Variants in ESYT3 observed in about 807,000 individuals in gnomAD.
The protein encoded by ESYT3 is extended synaptotagmin 3.
Under a neutral mutation model 111.5 loss-of-function variants are expected in ESYT3, and 101 were observed. The ratio of observed to expected loss-of-function variants is 0.91; its 90% CI spans 0.77 to 1.07. ESYT3 has a LOEUF of 1.07. ESYT3 is among the 50% of genes least tolerant of loss of function. ESYT3 has a pLI of 0.00. For missense variants in ESYT3, 1,097 were observed against 1,109.4 expected (o/e 0.99, Z 0.16); for synonymous variants, 416 against 446.8 (o/e 0.93, Z 0.87).
At position 138,472,858 on chromosome 3, in the gene ESYT3, G is replaced by C; in HGVS notation, c.2236G>C (p.Glu746Gln). The C allele has an allele frequency of 6.2e-7, 1 of 1,613,468 alleles. No homozygotes were observed. The highest frequency in any genetic ancestry group is 1.1e-5 in the South Asian group (1 of 91,004). ...CCTGGCAGATATCAGCCTCAACATTGAGTATGCACCTCTCTGCTTAATCTT... is the reference window on the plus strand; with the variant it reads ...CCTGGCAGATATCAGCCTCAACATTCAGTATGCACCTCTCTGCTTAATCTT... ...FDLADISLNIEGGDLRRRQLG... is the reference protein window; with the variant it reads ...FDLADISLNIQGGDLRRRQLG... Residue 746 changes from glutamate to glutamine, a missense_variant and splice_region_variant, in exon 18 of 23, where the codon GAA becomes CAA. Transcript: ENST00000389567.
intron 1 of ESYT3, among the ~76,000 whole-genome samples, chr3:138,450,846 T>C (rs183703823): frequency 2.6e-5 from 4 of 152,336 alleles, no homozygotes; most frequent in Admixed American, 2.0e-4. Flanking sequence ...ACAGTGGCCT[T>C]TCTGAGCTCC....
At position 138,435,609 on chromosome 3, in the gene ESYT3, G is replaced by A. The variant is rs551975786; in HGVS notation, c.327+484G>A. ...AGGCCTGGACTGCGGTAGGGGGAGG[G>A]CTCCGCGGGGCTGGAGGTGGAGTGG... On this transcript the variant is annotated intron_variant, in intron 1 of 22. Coordinates refer to ENST00000389567, the MANE Select transcript of ESYT3 (RefSeq NM_031913.5). The surrounding 1 kb of genome is among the most constrained non-coding windows in gnomAD (Gnocchi z 4.8). 6.6e-6 allele frequency among the ~76,000 whole-genome samples: 1 copy of A among 152,304 alleles called. No homozygotes were observed. Among genetic ancestry groups the A allele is most frequent in the African/African-American group, 2.4e-5 (1 of 41,572 alleles).
intron 3 of ESYT3, 115 bp from the exon 4 acceptor site, chr3:138,457,453 T>A: frequency 1.1e-6 from 1 of 892,268 alleles, no homozygotes; most frequent in South Asian, 1.3e-5. Flanking sequence ...GTGCCTCGTC[T>A]TGGAAGTATG....
At chr3:138,470,639 A>G in intron 16 of ESYT3, 1 of 1,278,674 alleles carries the variant, frequency 7.8e-7, no homozygotes, top group East Asian at 3.2e-5. Flanking sequence ...GGCTCTGGGC[A>G]TTTGACAGAC....
intron 2 of ESYT3, among the ~76,000 whole-genome samples, chr3:138,454,053 A>G (rs934437143): frequency 6.6e-6 from 1 of 152,216 alleles, no homozygotes; most frequent in Non-Finnish European, 1.5e-5. Context: ...TCTTGGATCA[A>G]CATCCATCAG....
intron 1 of ESYT3, among the ~76,000 whole-genome samples, chr3:138,443,960 G>A (rs143327726): frequency 1.3e-5 from 2 of 152,180 alleles, no homozygotes; most frequent in African/African-American, 4.8e-5. Flanking sequence ...TCCGATGGGA[G>A]GCAGCTGTCA....
rs1236391179 is a variant in ESYT3 at position 138,440,731 on chromosome 3, TATC to T, written c.327+5609_327+5611del. Among the ~76,000 whole-genome samples the T allele has an allele frequency of 3.3e-5, 5 of 152,340 alleles. No homozygotes were observed. The highest frequency in any genetic ancestry group is 3.9e-4 in the East Asian group (2 of 5,188). On this transcript the variant is annotated intron_variant, in intron 1 of 22. Transcript: ENST00000389567. This position sits in a 1 kb window ranked among gnomAD's most constrained non-coding sequence, Gnocchi z 4.2. Reference sequence around the variant, plus strand: ...ATGTCTTAATGATGGTTCATGGACTTATCATGTCCTGGGCCAGGATTGAGCAAT... The same window carrying T: ...ATGTCTTAATGATGGTTCATGGACTTATGTCCTGGGCCAGGATTGAGCAAT...
chr3:138,447,336 A>G (rs1427314640), intron 1 of ESYT3, among the ~76,000 whole-genome samples: 1 of 152,192 alleles, frequency 6.6e-6, no homozygotes, highest in Non-Finnish European at 1.5e-5. Flanking sequence ...TCAGGCCACA[A>G]AGAAATAAAA....
chr3:138,468,739 G>A, intron 13 of ESYT3, 22 bp downstream of exon 13: 2 of 1,613,984 alleles, frequency 1.2e-6, no homozygotes, highest in Non-Finnish European at 1.7e-6. Context: ...CATGTCCAGA[G>A]TGTCACACAA....
In ESYT3 at chr3:138,472,480, C is replaced by G; in HGVS notation, c.1858C>G (p.Gln620Glu). Reference protein sequence around the residue: ...ATNQGPKAQPQEEGPTDLPCP... With the variant: ...ATNQGPKAQPEEEGPTDLPCP... ...CAACCAGGGTCCCAAAGCCCAACCT[C>G]AGGAAGAAGGCCCTACAGATTTGCC... Residue 620 changes from glutamine to glutamate, a missense_variant, in exon 18 of 23, where the codon CAG becomes GAG. Physicochemically the swap from Gln to Glu is conservative, Grantham distance 29. Coordinates refer to ENST00000389567, the MANE Select transcript of ESYT3 (RefSeq NM_031913.5). 6.2e-7 allele frequency: 1 copy of G among 1,614,234 alleles called. No individual in the cohort carries two copies. The highest frequency in any genetic ancestry group is 8.5e-7 in the Non-Finnish European group (1 of 1,180,048).
chr3:138,449,312 C>G (rs1156654321), intron 1 of ESYT3, among the ~76,000 whole-genome samples: 1 of 152,014 alleles, frequency 6.6e-6, no homozygotes, highest in African/African-American at 2.4e-5. Context: ...TCTCAAACTC[C>G]TGGGCTCAAG....
rs1441326646 is a variant in ESYT3, at chr3:138,438,456, T to G, written c.327+3331T>G. On this transcript the variant is annotated intron_variant, in intron 1 of 22. Transcript: ENST00000389567. The stretch of plus-strand genomic sequence containing the variant: ...CTTAGATGGGGCACCTTTTTCTAAT[T>G]TGCACCAACTCCCTGTGAAGGAGTG... Among the ~76,000 whole-genome samples, 3 of 152,066 alleles carry G rather than the reference T, an allele frequency of 2.0e-5. No homozygotes were observed. The East Asian group carries it at 5.8e-4, about 29-fold the overall frequency.
In ESYT3 at chr3:138,474,243, A is replaced by C; in HGVS notation, c.2359A>C (p.Ser787Arg). Reference sequence around the variant, plus strand: ...CAGAAACCTAACACCATGTACCAGCAGTGGAGCTGATCCCTACGTCCGTGT... The same window carrying C: ...CAGAAACCTAACACCATGTACCAGCCGTGGAGCTGATCCCTACGTCCGTGT... The part of the protein sequence containing the change: ...GCRNLTPCTS[S>R]GADPYVRVYL... Residue 787 changes from serine to arginine, a missense_variant, in exon 20 of 23, where the codon AGT (serine) becomes CGT (arginine). Physicochemically the swap from Ser to Arg is moderately radical, Grantham distance 110. Transcript: ENST00000389567. 1 of 1,612,424 alleles carries C rather than the reference A, an allele frequency of 6.2e-7. No homozygotes were observed. Among genetic ancestry groups the C allele is most frequent in the Non-Finnish European group, 8.5e-7 (1 of 1,179,314 alleles).
Position 138,472,799 on chromosome 3 carries a change from C to A in ESYT3, c.2177C>A (p.Ser726Tyr). 1 of 1,614,236 alleles carries A rather than the reference C, an allele frequency of 6.2e-7. No individual in the cohort carries two copies. Among genetic ancestry groups the A allele is most frequent in the Non-Finnish European group, 8.5e-7 (1 of 1,180,044 alleles). The change falls in exon 18 of 23, where the codon TCC becomes TAC. Residue 726 changes from serine to tyrosine, a missense_variant. Coordinates refer to ENST00000389567, the MANE Select transcript of ESYT3 (RefSeq NM_031913.5). ...CCCAAGAGGCTGGCTCCCAGCATGT[C>A]CTCGCTCAACTCCTTGGCCTCTTCT... The part of the protein sequence containing the change: ...WPPKRLAPSM[S>Y]SLNSLASSCF...
chr3:138,456,470 G>A (rs1190766851), intron 3 of ESYT3, among the ~76,000 whole-genome samples: 1 of 152,202 alleles, frequency 6.6e-6, no homozygotes, highest in Non-Finnish European at 1.5e-5. Context: ...CTTGCAGGGT[G>A]CTGTGTTCAC....
At chr3:138,468,066 C>A in intron 11 of ESYT3, 39 bp from the exon 12 acceptor site, 1 of 1,594,452 alleles carries the variant, frequency 6.3e-7, no homozygotes, top group South Asian at 1.1e-5. Flanking sequence ...TAGCATCTCC[C>A]TGGCCCTTTT....
At chr3:138,460,078 A>G (rs373151618) in intron 6 of ESYT3, 44 bp downstream of exon 6, 13 of 1,561,970 alleles carry the variant, frequency 8.3e-6, no homozygotes, top group Non-Finnish European at 9.7e-6. Flanking sequence ...CCCTGGGAGT[A>G]GGCACTGGTC....
At chr3:138,465,487 A>T (rs1364526492) in intron 10 of ESYT3, 66 bp downstream of exon 10, 1 of 1,298,342 alleles carries the variant, frequency 7.7e-7, no homozygotes, top group African/African-American at 1.5e-5. Context: ...GCTGGGCTAG[A>T]TACCCTGCTC....
chr3:138,474,014 C>T (rs963254709), intron 19 of ESYT3, among the ~76,000 whole-genome samples: 1 of 152,242 alleles, frequency 6.6e-6, no homozygotes, highest in Non-Finnish European at 1.5e-5. Flanking sequence ...ATATTTTGTC[C>T]TCTAAATTCT....
Sources: allele counts gnomAD v4.1 joint callset (sites outside exome capture counted in the v4.1 genomes callset), GRCh38; gene constraint gnomAD v4.1.1; non-coding constraint Gnocchi (gnomAD v3.1); transcripts MANE v1.5; gene names NCBI Gene and HGNC (gene_info 2026-07-23, HGNC 2026-07-21).